The following PCDHAC2 variants were observed in gnomAD, a reference collection of about 807,000 sequenced individuals.
The protein encoded by PCDHAC2 is protocadherin alpha-C2.
A neutral mutation model predicts 63.3 loss-of-function variants in PCDHAC2; 24 were observed. The observed-to-expected ratio is 0.38, with a 90% CI of 0.27 to 0.53. The LOEUF (loss-of-function observed/expected upper bound fraction) is 0.53, where lower values mean the gene tolerates loss of function less well. PCDHAC2 is among the 20% of genes least tolerant of loss of function. The pLI is 0.81. For synonymous variants in PCDHAC2, 569 were observed against 529.4 expected, an observed-to-expected ratio of 1.07 and a Z score of -1.03; for missense variants, 1,181 against 1,275.2, an observed-to-expected ratio of 0.93 and a Z score of 1.12.
intron 2 of PCDHAC2, 103 bp downstream of exon 2, chr5:140,979,110 C>G (rs1223081047): frequency 4.6e-5 from 69 of 1,515,610 alleles, no homozygotes; most frequent in Non-Finnish European, 5.9e-5. Flanking sequence ...AACTAAAAAG[C>G]TTTAGGTACT....
rs201572428 is a variant in PCDHAC2, at chr5:140,982,529, T to A, written c.2679T>A (p.Asp893Glu). 220 of 1,614,200 alleles carry A rather than the reference T, an allele frequency of 1.4e-4. No homozygotes were observed. Among genetic ancestry groups the A allele is most frequent in the Non-Finnish European group, 1.7e-4 (202 of 1,180,036 alleles). Reference sequence around the variant, plus strand: ...TACGGGCTGGTCCAGGAGGGCCTGATCAGCAGTGGCCAACAGTATCCAGTG... The same window carrying A: ...TACGGGCTGGTCCAGGAGGGCCTGAACAGCAGTGGCCAACAGTATCCAGTG... ...GILRAGPGGP[D>E]QQWPTVSSAT... Residue 893 changes from aspartate (D) to glutamate (E), a missense_variant, in exon 3 of 4, where the codon GAT becomes GAA. This residue lies in a region of PCDHAC2 where 968 missense variants were observed against 1,073.5 expected (regional missense o/e 0.90). Transcript: ENST00000289269.
rs1046509500 is a variant in PCDHAC2 at position 140,969,205 on chromosome 5, C to G, written c.2439C>G (p.Ala813=). ...SDTFMFYNTG[A]QTGPGPSGAQ... is the part of the protein sequence containing the mutation. ...CTTTCATGTTTTACAATACAGGGGC[C>G]CAGACAGGACCAGGGCCTTCGGGAG... Residue 813 remains alanine, a synonymous_variant, in exon 1 of 4, where the codon GCC becomes GCG. Transcript: ENST00000289269. The G allele has an allele frequency of 3.7e-6, 6 of 1,614,130 alleles. No individual in the cohort carries two copies. The highest frequency in any genetic ancestry group is 2.2e-5 in the East Asian group (1 of 44,874).
chr5:140,985,901 G>A (rs995663051), intron 3 of PCDHAC2, among the ~76,000 whole-genome samples: 3 of 151,818 alleles, frequency 2.0e-5, no homozygotes, highest in Non-Finnish European at 2.9e-5. Flanking sequence ...CACCACTCCC[G>A]TCTAATTTTT....
rs374310903 is a variant in PCDHAC2 at position 140,968,575 on chromosome 5, G to A, written c.1809G>A (p.Leu603=). 16 of 1,614,016 alleles carry A rather than the reference G, an allele frequency of 9.9e-6. No homozygotes were observed. In the African/African-American group the frequency reaches 2.1e-4, roughly 22 times the overall value. The part of the protein sequence containing the change: ...MVPRTAPAGY[L]VTKVIAMDSD... ...CTCGAACTGCCCCTGCTGGCTACCT[G>A]GTCACCAAAGTCATAGCTATGGACT... The change falls in exon 1 of 4, where the codon CTG becomes CTA. Residue 603 remains leucine (L), a synonymous_variant. Transcript: ENST00000289269.
chr5:140,995,388 A>G (rs1467282798), intron 3 of PCDHAC2, among the ~76,000 whole-genome samples: 1 of 152,208 alleles, frequency 6.6e-6, no homozygotes. Flanking sequence ...GGCAGGATAA[A>G]GCGGGATGGC....
chr5:141,002,442 A>G (rs1177854570), intron 3 of PCDHAC2, among the ~76,000 whole-genome samples: 3 of 152,218 alleles, frequency 2.0e-5, no homozygotes, highest in Non-Finnish European at 4.4e-5. Context: ...AACCATAATA[A>G]TTGGCACATT....
chr5:141,000,192 T>C lies in PCDHAC2; in HGVS notation c.2714-9435T>C, dbSNP rs112948047. 6.4e-3 allele frequency among the ~76,000 whole-genome samples: 968 copies of C among 151,888 alleles called. 13 individuals carry two copies. Among genetic ancestry groups the C allele is most frequent in the African/African-American group, 0.023 (941 of 41,384 alleles). ...TTGAGCCAAGGAGTCAATGTGAGAA[T>C]AGTTTTTCACCTTCATTATCAAATG... On this transcript the variant is annotated intron_variant, in intron 3 of 3. Coordinates refer to ENST00000289269, the MANE Select transcript of PCDHAC2 (RefSeq NM_018899.6).
Position 140,974,355 on chromosome 5 carries a change from C to T in PCDHAC2, c.2566-4594C>T, listed in dbSNP as rs113314336. Among the ~76,000 whole-genome samples the T allele has an allele frequency of 6.8e-3, 1,038 of 152,272 alleles. 15 individuals are homozygous for T. The highest frequency in any genetic ancestry group is 0.024 in the African/African-American group (1,003 of 41,550). ...AGCAGGCTATGCATCCAGAACTAAA[C>T]AGACCTAGCACTTTCTGTTGTACTG... is the stretch of plus-strand genomic sequence containing the variant. On this transcript the variant is annotated intron_variant, in intron 1 of 3. Transcript: ENST00000289269.
At chr5:140,980,897 A>G (rs2096910436) in intron 2 of PCDHAC2, among the ~76,000 whole-genome samples, 1 of 152,186 alleles carries the variant, frequency 6.6e-6, no homozygotes, top group African/African-American at 2.4e-5. Context: ...AGTCTTGGAC[A>G]TCATGTAACT....
chr5:140,984,325 G>C (rs2097097043), intron 3 of PCDHAC2, among the ~76,000 whole-genome samples: 1 of 152,168 alleles, frequency 6.6e-6, no homozygotes, highest in Admixed American at 6.5e-5. Flanking sequence ...CTAGGCAAAT[G>C]TGGAATAGGA....
At position 140,968,159 on chromosome 5, in the gene PCDHAC2, A is replaced by T; in HGVS notation, c.1393A>T (p.Asn465Tyr). 3.7e-6 allele frequency: 6 copies of T among 1,614,136 alleles called. No homozygotes were observed. Among genetic ancestry groups the T allele is most frequent in the Non-Finnish European group, 4.2e-6 (5 of 1,180,038 alleles). ...GGTTGAGATCTCTGACATCAATGAC[A>T]ATCCACCAAGCTTCCTGGAGGACTC... is the stretch of plus-strand genomic sequence containing the variant. Reference protein sequence around the residue: ...LKVEISDINDNPPSFLEDSYS... With the variant: ...LKVEISDINDYPPSFLEDSYS... The change falls in exon 1 of 4, where the codon AAT becomes TAT. Residue 465 changes from asparagine (N) to tyrosine (Y), a missense_variant. Physicochemically the swap from Asn to Tyr is moderately radical, Grantham distance 143 (BLOSUM62 -2). This residue lies in a region of PCDHAC2 where 968 missense variants were observed against 1,073.5 expected (regional missense o/e 0.90). Transcript: ENST00000289269.
intron 3 of PCDHAC2, among the ~76,000 whole-genome samples, chr5:140,984,056 G>A (rs569184437): frequency 6.6e-6 from 1 of 152,318 alleles, no homozygotes; most frequent in African/African-American, 2.4e-5. Context: ...TGACAAATCT[G>A]TACCCTCAGT....
At chr5:140,998,389 C>T (rs1386157244) in intron 3 of PCDHAC2, among the ~76,000 whole-genome samples, 3 of 152,128 alleles carry the variant, frequency 2.0e-5, no homozygotes, top group Non-Finnish European at 4.4e-5. Flanking sequence ...AAGTTTAATG[C>T]CATCTTTATG....
chr5:140,971,787 A>G (rs1554233619), intron 1 of PCDHAC2, among the ~76,000 whole-genome samples: 5 of 152,124 alleles, frequency 3.3e-5, no homozygotes, highest in Admixed American at 1.3e-4. Context: ...AGATTATTCA[A>G]TATATTGAAT....
Position 140,968,262 on chromosome 5 carries a change from A to G in PCDHAC2, c.1496A>G (p.Lys499Arg). The G allele has an allele frequency of 3.1e-6, 5 of 1,614,054 alleles. No homozygotes were observed. The highest frequency in any genetic ancestry group is 4.2e-6 in the Non-Finnish European group (5 of 1,179,956). The change falls in exon 1 of 4, where the codon AAG becomes AGG. Residue 499 changes from lysine to arginine, a missense_variant. This residue lies in a region of PCDHAC2 where 968 missense variants were observed against 1,073.5 expected (regional missense o/e 0.90). Transcript: ENST00000289269. ...CTVQATDPDE[K>R]ENAEVTYSLL... ...GTGCAAGCCACAGACCCAGATGAAA[A>G]GGAGAATGCAGAGGTGACCTACTCC...
chr5:141,000,395 CTATA>C (rs1190667031), intron 3 of PCDHAC2, among the ~76,000 whole-genome samples: 54 of 53,974 alleles, frequency 1.0e-3, no homozygotes, highest in East Asian at 2.4e-3. Context: ...CTCTCTCTCT[CTATA>C]TATATATATA....
rs2098416049 is a variant in PCDHAC2, at chr5:141,010,101, T to G, written c.*164T>G. The G allele has an allele frequency of 6.2e-6, 10 of 1,612,488 alleles. No homozygotes were observed. Among genetic ancestry groups the G allele is most frequent in the Non-Finnish European group, 8.5e-6 (10 of 1,179,154 alleles). ...GTCTGTCTAGAACGCATTTAACAGG[T>G]TTTGTCGTAAAAGCTTTACTAAGTC... On this transcript the variant is annotated 3_prime_UTR_variant, in exon 4 of 4. Transcript: ENST00000289269.
chr5:140,980,684 G>GAA (rs782726576), intron 2 of PCDHAC2, among the ~76,000 whole-genome samples: 2 of 145,064 alleles, frequency 1.4e-5, no homozygotes, highest in African/African-American at 5.1e-5. Context: ...TTTTCAAATT[G>GAA]AAAAAAAAAA....
chr5:141,007,349 G>C (rs532404832), intron 3 of PCDHAC2, among the ~76,000 whole-genome samples: 204 of 144,744 alleles, frequency 1.4e-3, no homozygotes, highest in Middle Eastern at 0.011. Flanking sequence ...TCAGGAGTTC[G>C]AGACCAGCCT....
Sources: allele counts gnomAD v4.1 joint callset (sites outside exome capture counted in the v4.1 genomes callset), GRCh38; gene constraint gnomAD v4.1.1; regional missense constraint gnomAD v4.1.1; transcripts MANE v1.5; gene names NCBI Gene and HGNC (gene_info 2026-07-23, HGNC 2026-07-21).